The following CATSPERT variants were observed in gnomAD, a reference collection of about 807,000 sequenced individuals.
CATSPERT encodes catsper channel auxiliary subunit tau.
the CATSPERT span, among the ~76,000 whole-genome samples, chr2:201,612,254 C>A: frequency 1.3e-5 from 2 of 152,084 alleles, no homozygotes; most frequent in Admixed American, 1.3e-4. Context: ...TCAGGTATTA[C>A]CACCCTCTAA....
At chr2:201,494,484 C>A in the CATSPERT span, 1 of 1,537,080 alleles carries the variant, frequency 6.5e-7, no homozygotes. Flanking sequence ...TATCTAAACC[C>A]TTTATTGTAT....
chr2:201,505,673 A>C, the CATSPERT span, among the ~76,000 whole-genome samples: 1 of 152,228 alleles, frequency 6.6e-6, no homozygotes, highest in African/African-American at 2.4e-5. Context: ...GTCAAAAACC[A>C]GAGGAAACTG....
At chr2:201,565,711 T>TC in the CATSPERT span, 4 of 1,469,844 alleles carry the variant, frequency 2.7e-6, no homozygotes, top group Non-Finnish European at 3.6e-6. Context: ...TTGAATTTTT[T>TC]TTTTTTTTTT....
chr2:201,491,711 G>A, the CATSPERT span: 3 of 1,536,938 alleles, frequency 2.0e-6, no homozygotes, highest in South Asian at 1.2e-5. Context: ...ACTGCTTCAG[G>A]TTTTTCCTGA....
At chr2:201,548,941 C>T in the CATSPERT span, among the ~76,000 whole-genome samples, 1 of 151,940 alleles carries the variant, frequency 6.6e-6, no homozygotes, top group Non-Finnish European at 1.5e-5. Flanking sequence ...TCAAAACTGA[C>T]CAGCCAAGTA....
chr2:201,571,309 C>T, the CATSPERT span, among the ~76,000 whole-genome samples: 4 of 152,156 alleles, frequency 2.6e-5, no homozygotes, highest in African/African-American at 7.2e-5. Flanking sequence ...CGTTCAACAC[C>T]TAATTCCCTC....
At chr2:201,565,003 T>G in the CATSPERT span, among the ~76,000 whole-genome samples, 1 of 136,370 alleles carries the variant, frequency 7.3e-6, no homozygotes, top group Admixed American at 7.6e-5. Flanking sequence ...TTCAATTGAT[T>G]TAATGGCAGA....
chr2:201,502,515 T>A, the CATSPERT span, among the ~76,000 whole-genome samples: 4 of 146,094 alleles, frequency 2.7e-5, no homozygotes, highest in South Asian at 8.5e-4. Flanking sequence ...GAGGTTGTGG[T>A]GAGCCAAGAT....
chr2:201,515,179 T>C, the CATSPERT span, among the ~76,000 whole-genome samples: 2 of 140,578 alleles, frequency 1.4e-5, no homozygotes, highest in Non-Finnish European at 3.1e-5. Flanking sequence ...CCAAAGGAAT[T>C]GAGTGTTGTG....
chr2:201,492,512 G>C, the CATSPERT span: 1 of 1,535,732 alleles, frequency 6.5e-7, no homozygotes. Flanking sequence ...TCTTGTTCTA[G>C]TTCATGAAAA....
chr2:201,569,044 AC>A, the CATSPERT span, among the ~76,000 whole-genome samples: 1 of 152,186 alleles, frequency 6.6e-6, no homozygotes, highest in Non-Finnish European at 1.5e-5. Context: ...TAGTTCAGAG[AC>A]AGTGTCTAGT....
chr2:201,575,998 T>A, the CATSPERT span, among the ~76,000 whole-genome samples: 1 of 152,090 alleles, frequency 6.6e-6, no homozygotes, highest in African/African-American at 2.4e-5. Flanking sequence ...TAAGGAATGT[T>A]CAAAAGAAGA....
At chr2:201,570,517 T>C in the CATSPERT span, among the ~76,000 whole-genome samples, 8,386 of 152,326 alleles carry the variant, frequency 0.055, 283 homozygotes, top group African/African-American at 0.081. Context: ...GTACTTTACA[T>C]GTAACTTATT....
At chr2:201,558,673 G>T in the CATSPERT span, among the ~76,000 whole-genome samples, 3 of 152,186 alleles carry the variant, frequency 2.0e-5, no homozygotes, top group Non-Finnish European at 2.9e-5. Context: ...GTTAAGAGAT[G>T]CTGGGAATTC....
the CATSPERT span, chr2:201,601,614 C>G: frequency 1.1e-6 from 1 of 870,142 alleles, no homozygotes. Context: ...TGTAAGATAC[C>G]AAATAAAAAG....
the CATSPERT span, chr2:201,491,086 G>T: frequency 2.5e-6 from 3 of 1,179,310 alleles, no homozygotes; most frequent in South Asian, 1.7e-5. Context: ...TATACACACA[G>T]TTGGATGCAG....
the CATSPERT span, among the ~76,000 whole-genome samples, chr2:201,539,080 G>A: frequency 6.6e-6 from 1 of 152,112 alleles, no homozygotes; most frequent in East Asian, 1.9e-4. Flanking sequence ...TGGGCATTTA[G>A]CTTGATTCCA....
At chr2:201,601,180 C>T in the CATSPERT span, among the ~76,000 whole-genome samples, 1 of 152,034 alleles carries the variant, frequency 6.6e-6, no homozygotes, top group Non-Finnish European at 1.5e-5. Flanking sequence ...ACATTCCCAG[C>T]TCAACCACTT....
At chr2:201,522,425 T>C in the CATSPERT span, among the ~76,000 whole-genome samples, 2 of 151,798 alleles carry the variant, frequency 1.3e-5, no homozygotes, top group South Asian at 4.2e-4. Flanking sequence ...ACCAGCACAC[T>C]CCAAGCAGAT....
Sources: allele counts gnomAD v4.1 joint callset (sites outside exome capture counted in the v4.1 genomes callset), GRCh38; gene constraint gnomAD v4.1.1; transcripts MANE v1.5; gene names NCBI Gene and HGNC (gene_info 2026-07-23, HGNC 2026-07-21).